Variants in STK10 observed in about 807,000 individuals in gnomAD.
STK10 encodes the protein serine/threonine kinase 10, also known as serine/threonine-protein kinase 10.
Under a neutral mutation model 113.8 loss-of-function variants are expected in STK10, and 78 were observed. That is an observed-to-expected ratio of 0.69 (90% CI 0.57 to 0.83). The LOEUF is 0.83. Ranked by LOEUF, STK10 falls within the 40% of genes least tolerant of loss-of-function variation. STK10 has a pLI of 0.00. For missense variants in STK10, 1,109 were observed against 1,280.1 expected (o/e 0.87, Z 2.04); for synonymous variants, 465 against 494.7 (o/e 0.94, Z 0.80).
At position 172,093,711 on chromosome 5, in the gene STK10, C is replaced by A. The variant is rs972133474; in HGVS notation, c.1255G>T (p.Asp419Tyr). 6.2e-7 allele frequency: 1 copy of A among 1,614,208 alleles called. No homozygotes were observed. The highest frequency in any genetic ancestry group is 8.5e-7 in the Non-Finnish European group (1 of 1,180,004). ...PLRKSRPVSM[D>Y]ARIQVAQEKQ... ...TCCTGGGCTACCTGAATTCTGGCAT[C>A]CATTGACACGGGTCGGGACTTCCGC... The change falls in exon 9 of 19, where the codon GAT becomes TAT. Residue 419 changes from aspartate to tyrosine, a missense_variant. Asp to Tyr is a radical substitution (Grantham distance 160). This residue lies in a region of STK10 where 885 missense variants were observed against 991.1 expected (regional missense o/e 0.89). Coordinates refer to ENST00000176763, the MANE Select transcript of STK10 (RefSeq NM_005990.4). This position sits in a 1 kb window ranked among gnomAD's most constrained non-coding sequence, Gnocchi z 4.1.
intron 1 of STK10, among the ~76,000 whole-genome samples, chr5:172,167,360 G>A (rs939683720): frequency 1.3e-5 from 2 of 152,108 alleles, no homozygotes; most frequent in Admixed American, 1.3e-4. Flanking sequence ...AGCCATAATA[G>A]TAAATAACAA....
intron 2 of STK10, among the ~76,000 whole-genome samples, chr5:172,128,745 A>G (rs1769683831): frequency 6.6e-6 from 1 of 152,196 alleles, no homozygotes; most frequent in Non-Finnish European, 1.5e-5. Context: ...CTTGTTGTGA[A>G]GTTCCTTCAA....
intron 15 of STK10, chr5:172,056,920 AGG>A: frequency 6.6e-6 from 1 of 151,368 alleles, no homozygotes; most frequent in South Asian, 1.9e-4. Context: ...GAAAGAAAGA[AGG>A]AAGGAAGGAA....
chr5:172,168,069 T>C (rs1180588234), intron 1 of STK10, among the ~76,000 whole-genome samples: 1 of 152,124 alleles, frequency 6.6e-6, no homozygotes, highest in Non-Finnish European at 1.5e-5. Flanking sequence ...ATGAAAAGCC[T>C]GGGTGTGGGT....
At position 172,112,772 on chromosome 5, in the gene STK10, G is replaced by C. The variant is rs745789068; in HGVS notation, c.520+4709C>G. Among the ~76,000 whole-genome samples, 93 of 150,102 alleles carry C rather than the reference G, an allele frequency of 6.2e-4. 1 individual carries two copies. Among genetic ancestry groups the C allele is most frequent in the Non-Finnish European group, 9.2e-4 (62 of 67,674 alleles). On this transcript the variant is annotated intron_variant, in intron 4 of 18. Coordinates refer to ENST00000176763, the MANE Select transcript of STK10 (RefSeq NM_005990.4). ...TTTTATTCTTTTTTTTTCAGATGGA[G>C]TTTCATTCTTGTTGCCCAGGCTGGA...
chr5:172,073,896 C>T (rs949222622), intron 12 of STK10, among the ~76,000 whole-genome samples: 2 of 150,514 alleles, frequency 1.3e-5, no homozygotes, highest in Non-Finnish European at 3.0e-5. Context: ...ACCTGGGAGG[C>T]GGAGGTTGTA....
intron 2 of STK10, among the ~76,000 whole-genome samples, chr5:172,129,703 T>TC (rs1769705439): frequency 6.6e-6 from 1 of 152,158 alleles, no homozygotes; most frequent in Non-Finnish European, 1.5e-5. Context: ...CTTGTAGTAA[T>TC]TCTCAGCTCC....
intron 3 of STK10, among the ~76,000 whole-genome samples, chr5:172,117,876 G>A (rs373717580): frequency 1.7e-4 from 26 of 152,082 alleles, no homozygotes; most frequent in Non-Finnish European, 3.1e-4. Flanking sequence ...AGCTGGGCAC[G>A]GTGGCAGGCA....
chr5:172,107,012 A>G, intron 5 of STK10, 198 bp from the exon 6 acceptor site: 1 of 405,940 alleles, frequency 2.5e-6, no homozygotes, highest in Non-Finnish European at 4.4e-6. Context: ...GCTCCCCGCC[A>G]CGTCCTGCTG....
At chr5:172,158,023 C>G (rs1488463686) in intron 1 of STK10, among the ~76,000 whole-genome samples, 3 of 152,148 alleles carry the variant, frequency 2.0e-5, no homozygotes, top group East Asian at 3.8e-4. Context: ...TTCGTAGATG[C>G]ATGTCACCTA....
rs1768459262 is a variant in STK10 at position 172,082,636 on chromosome 5, T to C, written c.1810-131A>G. ...CTTGAATCCCAGCTCTACTACCCCG[T>C]TGCTGTGTGACCTGGGGCAAGTTAC... On this transcript the variant is annotated intron_variant, in intron 11 of 18. Transcript: ENST00000176763. The surrounding 1 kb of genome is among the most constrained non-coding windows in gnomAD (Gnocchi z 4.3). 8.1e-7 allele frequency: 1 copy of C among 1,232,510 alleles called. No homozygotes were observed. Among genetic ancestry groups the C allele is most frequent in the African/African-American group, 1.5e-5 (1 of 65,926 alleles). 76.3% of individuals were successfully genotyped at this position (1,232,510 alleles called of 1,614,324 possible).
At chr5:172,127,504 G>A (rs1315030075) in intron 2 of STK10, 83 bp from the exon 3 acceptor site, 1 of 1,472,964 alleles carries the variant, frequency 6.8e-7, no homozygotes, top group African/African-American at 1.4e-5. Context: ...ATTGGGCAGG[G>A]TCCACCCATG....
rs182994348 is a variant in STK10 at position 172,103,108 on chromosome 5, G to C, written c.870+2548C>G. 3.1e-3 allele frequency among the ~76,000 whole-genome samples: 467 copies of C among 152,364 alleles called. 4 individuals carry two copies. Among genetic ancestry groups the C allele is most frequent in the African/African-American group, 0.01 (433 of 41,582 alleles). On this transcript the variant is annotated intron_variant, in intron 7 of 18. Transcript: ENST00000176763. The stretch of plus-strand genomic sequence containing the variant: ...GCCAGGCACTTCTTGGAAGCCGGTA[G>C]ACACCCTGAAGGCTGACAGCACTGG...
chr5:172,081,985 T>C (rs1248966976), intron 12 of STK10, among the ~76,000 whole-genome samples: 3 of 152,156 alleles, frequency 2.0e-5, no homozygotes, highest in Non-Finnish European at 4.4e-5. Flanking sequence ...CTCGCCCTTC[T>C]GGGAACAGCA....
intron 2 of STK10, among the ~76,000 whole-genome samples, chr5:172,132,299 T>C (rs11748948): frequency 0.19 from 29,373 of 152,196 alleles, 3,083 homozygotes; most frequent in Non-Finnish European, 0.25. Context: ...TATTATCAAA[T>C]TGTATATTAG....
chr5:172,064,938 C>T lies in STK10; in HGVS notation c.1990-126G>A, dbSNP rs1022490910. The T allele has an allele frequency of 1.9e-4, 184 of 990,476 alleles. 2 individuals are homozygous for T. In the South Asian group the frequency reaches 2.4e-3, roughly 13 times the overall value. The allele number at this position is 990,476 out of a possible 1,614,324, so 61.4% of individuals were successfully genotyped here. On this transcript the variant is annotated intron_variant, in intron 12 of 18. Coordinates refer to ENST00000176763, the MANE Select transcript of STK10 (RefSeq NM_005990.4). Reference sequence around the variant, plus strand: ...AGAGGCTCAGCTTTGCAGCGGCCAGCACCCTACGCGGCTCCCCACCAAGCC... The same window carrying T: ...AGAGGCTCAGCTTTGCAGCGGCCAGTACCCTACGCGGCTCCCCACCAAGCC...
rs751796936 is a variant in STK10 at position 172,093,760 on chromosome 5, G to T, written c.1206C>A (p.Asn402Lys). The T allele has an allele frequency of 3.7e-6, 6 of 1,611,370 alleles. No homozygotes were observed. The Admixed American group carries it at 1.0e-4, about 27-fold the overall frequency. Reference protein sequence around the residue: ...SPPVVAPGNENGLAVPVPLRK... With the variant: ...SPPVVAPGNEKGLAVPVPLRK... ...GCAGGGGCACAGGCACTGCCAGGCC[G>T]TTCTCATTTCCAGGGGCCACGACTG... Residue 402 changes from asparagine to lysine, a missense_variant, in exon 9 of 19, where the codon AAC (asparagine) becomes AAA (lysine). Physicochemically the swap from Asn to Lys is moderately conservative, Grantham distance 94 (BLOSUM62 0). Transcript: ENST00000176763. This position sits in a 1 kb window ranked among gnomAD's most constrained non-coding sequence, Gnocchi z 4.1.
chr5:172,103,145 G>A (rs1400948539), intron 7 of STK10, among the ~76,000 whole-genome samples: 1 of 152,258 alleles, frequency 6.6e-6, no homozygotes, highest in Non-Finnish European at 1.5e-5. Flanking sequence ...GGTGGGGGCT[G>A]GGAAGCCAAG....
chr5:172,119,246 T>G (rs1769451861), intron 3 of STK10, among the ~76,000 whole-genome samples: 1 of 151,434 alleles, frequency 6.6e-6, no homozygotes, highest in East Asian at 2.0e-4. Context: ...GGAACAGACT[T>G]GTGTGGTGGG....
Sources: gnomAD v4.1 joint callset for allele counts (sites outside exome capture counted in the v4.1 genomes callset) on GRCh38, gnomAD v4.1.1 for gene constraint, gnomAD v4.1.1 regional missense constraint, Gnocchi (gnomAD v3.1) non-coding constraint, MANE v1.5 for transcripts, NCBI Gene and HGNC (gene_info 2026-07-23, HGNC 2026-07-21) for gene names.